The following NAA11 variants were observed in gnomAD, a reference collection of about 807,000 sequenced individuals.
NAA11 encodes the protein N-alpha-acetyltransferase 11, NatA catalytic subunit.
NAA11 carries 15 observed loss-of-function variants against 16.1 expected under a neutral mutation model. That is an observed-to-expected ratio of 0.93 (90% CI 0.62 to 1.44). The LOEUF is 1.44. Among genes scored for constraint, NAA11 ranks in the 40% most tolerant of loss-of-function variants. NAA11 has a pLI of 0.00. For missense variants in NAA11, 298 were observed against 291.3 expected, an observed-to-expected ratio of 1.02 and a Z score of -0.17; for synonymous variants, 122 against 112.4, an observed-to-expected ratio of 1.09 and a Z score of -0.54.
chr4:79,176,654 G>A, the NAA11 span, among the ~76,000 whole-genome samples: 1 of 152,046 alleles, frequency 6.6e-6, no homozygotes, highest in Non-Finnish European at 1.5e-5. Flanking sequence ...GAAACATCCA[G>A]AATAATGTTT....
chr4:79,281,781 G>A (rs2109987071), intron 2 of NAA11, among the ~76,000 whole-genome samples: 1 of 152,116 alleles, frequency 6.6e-6, no homozygotes, highest in East Asian at 1.9e-4. Flanking sequence ...TACAGTCATG[G>A]GTTCTTAGTT....
At chr4:79,280,388 T>C (rs1302290960) in intron 2 of NAA11, among the ~76,000 whole-genome samples, 2 of 152,088 alleles carry the variant, frequency 1.3e-5, no homozygotes, top group Non-Finnish European at 2.9e-5. Flanking sequence ...ATTTGGCTCT[T>C]GAGACAAAGA....
At chr4:79,181,796 G>T in the NAA11 span, among the ~76,000 whole-genome samples, 1 of 152,184 alleles carries the variant, frequency 6.6e-6, no homozygotes, top group Admixed American at 6.5e-5. Context: ...GCTGAAGTTG[G>T]TGTGTAAGGG....
At chr4:79,285,836 A>G (rs1351969860) in intron 2 of NAA11, among the ~76,000 whole-genome samples, 1 of 152,058 alleles carries the variant, frequency 6.6e-6, no homozygotes, top group Non-Finnish European at 1.5e-5. Context: ...TTAATAATAC[A>G]AACACTTCAA....
chr4:79,192,595 T>C, the NAA11 span, among the ~76,000 whole-genome samples: 2 of 152,058 alleles, frequency 1.3e-5, no homozygotes, highest in African/African-American at 2.4e-5. Context: ...CCATGGTGTA[T>C]ATGTGCCACA....
the NAA11 span, among the ~76,000 whole-genome samples, chr4:79,171,291 G>C: frequency 1.1e-4 from 17 of 152,098 alleles, no homozygotes; most frequent in African/African-American, 3.4e-4. Context: ...GCAGGAGTTG[G>C]CTCTTGATAA....
At chr4:79,168,862 C>T in the NAA11 span, among the ~76,000 whole-genome samples, 1 of 152,012 alleles carries the variant, frequency 6.6e-6, no homozygotes, top group Non-Finnish European at 1.5e-5. Flanking sequence ...TGTGCAGAAG[C>T]TCTTTAGTTA....
chr4:79,250,452 C>G lies in NAA11; in HGVS notation c.*123-24182G>C, dbSNP rs573199775. Reference sequence around the variant, plus strand: ...GGAACTCGGAGACTGAAACTAGACCCCTTCTTTATACCATATGCAAAAATC... The same window carrying G: ...GGAACTCGGAGACTGAAACTAGACCGCTTCTTTATACCATATGCAAAAATC... On this transcript the variant is annotated intron_variant and NMD_transcript_variant, in intron 2 of 2. Transcript: ENST00000511542. Among the ~76,000 whole-genome samples, 474 of 152,346 alleles carry G rather than the reference C, an allele frequency of 3.1e-3. 2 individuals are homozygous for G. Among genetic ancestry groups the G allele is most frequent in the Non-Finnish European group, 4.8e-3 (328 of 68,040 alleles).
At chr4:79,218,307 CTTTA>C in the NAA11 span, among the ~76,000 whole-genome samples, 6 of 150,508 alleles carry the variant, frequency 4.0e-5, no homozygotes, top group Non-Finnish European at 8.9e-5. Flanking sequence ...CATTTTTGTA[CTTTA>C]TTTAGGAAAG....
rs80038774 is a variant in NAA11 at position 79,242,237 on chromosome 4, G to A, written c.*123-15967C>T. 7.8e-3 allele frequency among the ~76,000 whole-genome samples: 1,152 copies of A among 148,342 alleles called. 17 individuals carry two copies. The highest frequency in any genetic ancestry group is 0.027 in the African/African-American group (1,090 of 40,652). ...TCAGCTCCATAGCTGTGGCCCACCT[G>A]CACCTTGGAGGGGGATATCCTTCTT... On this transcript the variant is annotated intron_variant and NMD_transcript_variant, in intron 2 of 2. Coordinates refer to the NAA11 transcript ENST00000511542.
At chr4:79,323,693 C>T (rs919997528) in intron 1 of NAA11, among the ~76,000 whole-genome samples, 4 of 152,052 alleles carry the variant, frequency 2.6e-5, no homozygotes, top group South Asian at 2.1e-4. Context: ...TGGTGGCAGG[C>T]GCCTGTAGTC....
At position 79,317,175 on chromosome 4, in the gene NAA11, T is replaced by A. The variant is rs1723950172; in HGVS notation, c.*629A>T. The A allele has an allele frequency of 1.3e-5, 2 of 152,122 alleles. No individual in the cohort carries two copies. 9.4% of individuals were successfully genotyped at this position (152,122 alleles called of 1,614,324 possible). A position where few individuals can be genotyped will look rare whatever the true frequency, so the allele number is the denominator to read the frequency against. On this transcript the variant is annotated 3_prime_UTR_variant, in exon 2 of 2. Transcript: ENST00000286794. The stretch of plus-strand genomic sequence containing the variant: ...TTTCTTAAAATCTCCAAGTTCTGAT[T>A]GTACAGTAGAAGCTCCTAACTTAAC...
At chr4:79,261,477 A>G (rs1249175090) in intron 2 of NAA11, among the ~76,000 whole-genome samples, 1 of 152,224 alleles carries the variant, frequency 6.6e-6, no homozygotes, top group African/African-American at 2.4e-5. Flanking sequence ...TCAGGCGACC[A>G]TGATTTTTAC....
chr4:79,301,373 TCCTA>T (rs1190237462), intron 1 of NAA11, among the ~76,000 whole-genome samples: 11 of 152,224 alleles, frequency 7.2e-5, no homozygotes, highest in Admixed American at 5.9e-4. Flanking sequence ...CAATGATCTT[TCCTA>T]CCTGTGTTTT....
At chr4:79,299,680 A>G (rs577463297) in intron 1 of NAA11, 2 of 150,234 alleles carry the variant, frequency 1.3e-5, no homozygotes, top group East Asian at 3.9e-4. Flanking sequence ...TAGAGCTGTT[A>G]TCTATCCATA....
chr4:79,236,636 A>G (rs1721576622), intron 2 of NAA11, among the ~76,000 whole-genome samples: 1 of 152,210 alleles, frequency 6.6e-6, no homozygotes, highest in Non-Finnish European at 1.5e-5. Context: ...CATTGCTGAT[A>G]CATTTTTGAT....
chr4:79,272,818 C>A (rs1489619476), intron 2 of NAA11, among the ~76,000 whole-genome samples: 2 of 151,898 alleles, frequency 1.3e-5, no homozygotes, highest in Non-Finnish European at 2.9e-5. Flanking sequence ...GTCTATACTG[C>A]ATGATATCTA....
At chr4:79,243,775 G>A (rs905694792) in intron 2 of NAA11, among the ~76,000 whole-genome samples, 5 of 152,170 alleles carry the variant, frequency 3.3e-5, no homozygotes, top group African/African-American at 1.2e-4. Flanking sequence ...TATTTAAAAG[G>A]CCTTAGAACA....
At chr4:79,208,925 C>CA in the NAA11 span, among the ~76,000 whole-genome samples, 960 of 53,734 alleles carry the variant, frequency 0.018, 18 homozygotes, top group African/African-American at 0.048. Flanking sequence ...ATATAACTGC[C>CA]AAAAAAAAAA....
Sources: gnomAD v4.1 joint callset for allele counts (sites outside exome capture counted in the v4.1 genomes callset) on GRCh38, gnomAD v4.1.1 for gene constraint, MANE v1.5 for transcripts, NCBI Gene and HGNC (gene_info 2026-07-23, HGNC 2026-07-21) for gene names.